The following WIPI2 variants were observed in gnomAD, a reference collection of about 807,000 sequenced individuals.
The protein encoded by WIPI2 is WD repeat domain, phosphoinositide interacting 2.
In WIPI2, 28 loss-of-function variants were observed where a neutral mutation model predicts 52.3. That is an observed-to-expected ratio of 0.54 (90% CI 0.40 to 0.73). The LOEUF (loss-of-function observed/expected upper bound fraction) is 0.73. WIPI2 is among the 30% of genes least tolerant of loss of function. The pLI is 0.00. For missense variants in WIPI2, 506 were observed against 602.9 expected, an observed-to-expected ratio of 0.84 and a Z score of 1.68; for synonymous variants, 268 against 245.0, an observed-to-expected ratio of 1.09 and a Z score of -0.88.
intron 1 of WIPI2, among the ~76,000 whole-genome samples, chr7:5,191,611 A>C (rs1781488469): frequency 6.6e-6 from 1 of 151,972 alleles, no homozygotes; most frequent in South Asian, 2.1e-4. Context: ...AGCTTTCTGG[A>C]GAGAGAAGGG....
chr7:5,195,895 C>T (rs889411948), intron 2 of WIPI2, among the ~76,000 whole-genome samples: 8 of 151,720 alleles, frequency 5.3e-5, no homozygotes, highest in East Asian at 1.9e-4. Flanking sequence ...AAAAATTAGC[C>T]GGGTGTGATG....
Position 5,217,589 on chromosome 7 carries a change from C to G in WIPI2, c.577-333C>G, listed in dbSNP as rs564790807. On this transcript the variant is annotated intron_variant, in intron 6 of 12. Transcript: ENST00000288828. ...TGGGACTACAGGCGGGTGCCCCGCG[C>G]CCAGCCCCACTGCTCTCTTCTCAGT... The G allele has an allele frequency of 1.2e-5, 5 of 417,800 alleles. No homozygotes were observed. In the Admixed American group the frequency reaches 1.9e-4, roughly 16 times the overall value. 25.9% of individuals were successfully genotyped at this position (417,800 alleles called of 1,614,324 possible). A position where few individuals can be genotyped will look rare whatever the true frequency, so the allele number is the denominator to read the frequency against.
At chr7:5,222,306 G>A (rs1310121094) in intron 7 of WIPI2, among the ~76,000 whole-genome samples, 1 of 152,212 alleles carries the variant, frequency 6.6e-6, no homozygotes, top group African/African-American at 2.4e-5. Flanking sequence ...AGAATGATAT[G>A]CCACTTTTGC....
At chr7:5,216,693 TC>T (rs1782831727) in intron 5 of WIPI2, 34 bp downstream of exon 5, 1 of 1,606,526 alleles carries the variant, frequency 6.2e-7, no homozygotes, top group Non-Finnish European at 8.5e-7. Context: ...ATCCCATTTT[TC>T]TGATTTTGCC....
intron 3 of WIPI2, among the ~76,000 whole-genome samples, chr7:5,207,768 C>CTTTTTTTTTTTTTTTT: frequency 9.3e-6 from 1 of 107,290 alleles, no homozygotes; most frequent in Non-Finnish European, 1.8e-5. Flanking sequence ...TCCTCACTAA[C>CTTTTTTTTTTTTTTTT]TTTTTTTTTT....
chr7:5,217,392 C>T (rs1022913142), intron 6 of WIPI2: 42 of 572,076 alleles, frequency 7.3e-5, no homozygotes, highest in Non-Finnish European at 1.3e-4. Context: ...GCAGCCTCAA[C>T]CTCCTGGGCT....
intron 7 of WIPI2, among the ~76,000 whole-genome samples, chr7:5,221,189 C>G (rs1287019864): frequency 1.3e-5 from 2 of 152,054 alleles, no homozygotes; most frequent in African/African-American, 4.8e-5. Context: ...TCTGGAACTC[C>G]TCACCTCAGG....
intron 2 of WIPI2, among the ~76,000 whole-genome samples, chr7:5,198,272 G>A (rs1011455018): frequency 6.6e-6 from 1 of 151,984 alleles, no homozygotes; most frequent in East Asian, 1.9e-4. Flanking sequence ...CGCCCACCTC[G>A]ATTTTAAATA....
intron 3 of WIPI2, among the ~76,000 whole-genome samples, chr7:5,205,843 C>CT (rs566248631): frequency 3.8e-4 from 54 of 140,504 alleles, no homozygotes; most frequent in African/African-American, 6.5e-4. Flanking sequence ...AAACTGAGTT[C>CT]TTTTTTTTTT....
rs148773417 is a variant in WIPI2, at chr7:5,222,681, C to T, written c.740+9C>T. ...CGGAGAGGAGTAAAGAGGTAAAGTA[C>T]GTGAATGTCCAGAATGGATTCTGGA... On this transcript the variant is annotated intron_variant, in intron 8 of 12. Transcript: ENST00000288828. The T allele has an allele frequency of 1.9e-4, 307 of 1,611,652 alleles. 1 individual carries two copies. In the East Asian group the frequency reaches 5.3e-3, roughly 28 times the overall value.
intron 3 of WIPI2, among the ~76,000 whole-genome samples, chr7:5,209,076 A>G (rs1782433396): frequency 1.8e-5 from 2 of 113,528 alleles, no homozygotes; most frequent in South Asian, 5.2e-4. Context: ...TATTCCTAAT[A>G]CTTTGGATTT....
At chr7:5,190,642 G>T (rs1424047616) in intron 1 of WIPI2, 149 bp downstream of exon 1, 2 of 732,138 alleles carry the variant, frequency 2.7e-6, no homozygotes, top group Non-Finnish European at 3.9e-6. Flanking sequence ...GGCGGGCCCG[G>T]GGCGTGCAGG....
intron 3 of WIPI2, among the ~76,000 whole-genome samples, chr7:5,204,894 T>C (rs1782215784): frequency 1.3e-5 from 2 of 152,230 alleles, no homozygotes. Context: ...AAGGCTGGTC[T>C]TGAACTCGTG....
At position 5,217,963 on chromosome 7, in the gene WIPI2, G is replaced by T. The variant is rs751306908; in HGVS notation, c.618G>T (p.Ala206=). ...TTCCGGCTCACGACAGTCCTTTAGC[G>T]GCACTGGCCTTTGACGCAAGTGGAA... ...NMIPAHDSPL[A]ALAFDASGTK... Residue 206 remains alanine (A), a synonymous_variant, in exon 7 of 13, where the codon GCG becomes GCT. Coordinates refer to ENST00000288828, the MANE Select transcript of WIPI2 (RefSeq NM_015610.4). 15 of 1,614,114 alleles carry T rather than the reference G, an allele frequency of 9.3e-6. No homozygotes were observed. The East Asian group carries it at 3.3e-4, about 36-fold the overall frequency.
At chr7:5,226,918 G>T in intron 9 of WIPI2, 1 of 483,268 alleles carries the variant, frequency 2.1e-6, no homozygotes, top group South Asian at 2.6e-5. Flanking sequence ...GGGATGTGTG[G>T]TCAGCTGCCA....
At chr7:5,223,974 C>T (rs553910446) in intron 8 of WIPI2, among the ~76,000 whole-genome samples, 3 of 152,358 alleles carry the variant, frequency 2.0e-5, no homozygotes, top group South Asian at 2.1e-4. Flanking sequence ...CCTGTCAGGC[C>T]GTTCTTCAGA....
chr7:5,198,187 A>G (rs1781844111), intron 2 of WIPI2, among the ~76,000 whole-genome samples: 1 of 152,118 alleles, frequency 6.6e-6, no homozygotes, highest in South Asian at 2.1e-4. Context: ...TTTCCAGCCC[A>G]CTGCTCAGCC....
At chr7:5,214,410 G>T (rs773522635) in intron 3 of WIPI2, 125 bp from the exon 4 acceptor site, 3 of 1,608,586 alleles carry the variant, frequency 1.9e-6, no homozygotes, top group Non-Finnish European at 1.7e-6. Context: ...CACATGTTCC[G>T]CAGGCACCCT....
intron 11 of WIPI2, chr7:5,229,350 T>C (rs1783605594): frequency 5.9e-6 from 2 of 339,034 alleles, no homozygotes; most frequent in Admixed American, 9.1e-5. Flanking sequence ...GAATCCTCGT[T>C]ATTAGTTAGT....
Sources: allele counts gnomAD v4.1 joint callset (sites outside exome capture counted in the v4.1 genomes callset), GRCh38; gene constraint gnomAD v4.1.1; transcripts MANE v1.5; gene names NCBI Gene and HGNC (gene_info 2026-07-23, HGNC 2026-07-21).